Variants in TEX52 observed in about 807,000 individuals in gnomAD.
TEX52 encodes testis expressed 52, also known as testis-expressed protein 52.
TEX52 carries 22 observed loss-of-function variants against 17.6 expected under a neutral mutation model. The observed-to-expected ratio is 1.25, with a 90% CI of 0.89 to 1.78. The LOEUF (loss-of-function observed/expected upper bound fraction) is 1.78. Among genes scored for constraint, TEX52 ranks in the 40% most tolerant of loss-of-function variants. TEX52 has a pLI of 0.00. For synonymous variants in TEX52, 168 were observed against 147.4 expected (o/e 1.14, Z -1.01); for missense variants, 396 against 372.3 (o/e 1.06, Z -0.52).
At chr12:2,851,246 T>G (rs1448405722) in intron 2 of TEX52, among the ~76,000 whole-genome samples, 1 of 151,660 alleles carries the variant, frequency 6.6e-6, no homozygotes, top group Non-Finnish European at 1.5e-5. Context: ...TCTGGGTGAG[T>G]GAGTGAGTGG....
At position 2,855,156 on chromosome 12, in the gene TEX52, C is replaced by T. The variant is rs549403074; in HGVS notation, c.363G>A (p.Trp121Ter). 1,888 of 1,525,552 alleles carry T rather than the reference C, an allele frequency of 1.2e-3. 5 individuals carry two copies. The highest frequency in any genetic ancestry group is 1.4e-3 in the Non-Finnish European group (1,564 of 1,140,390). 94.5% of individuals were successfully genotyped at this position (1,525,552 alleles called of 1,614,324 possible). A position where few individuals can be genotyped will look rare whatever the true frequency, so the allele number is the denominator to read the frequency against. The change falls in exon 2 of 3, where the codon TGG becomes TGA. Residue 121 changes from tryptophan to a stop codon, truncating the protein, a stop_gained. Transcript: ENST00000637658. LOFTEE classifies it high-confidence loss of function. ...QPDRPYDSNV[W>*]RWLTDSNAHR... ...GGGCATTGGAGTCGGTCAGCCAGCG[C>T]CAGACATTGCTATCGTAGGGCCTGT...
At chr12:2,856,576 T>G (rs2098088077) in intron 1 of TEX52, among the ~76,000 whole-genome samples, 1 of 152,208 alleles carries the variant, frequency 6.6e-6, no homozygotes, top group Non-Finnish European at 1.5e-5. Context: ...TTGGCCAAGC[T>G]GGTCTCAAAC....
chr12:2,851,292 A>G (rs900845092), intron 2 of TEX52, among the ~76,000 whole-genome samples: 1 of 152,140 alleles, frequency 6.6e-6, no homozygotes, highest in Non-Finnish European at 1.5e-5. Flanking sequence ...CTAGGACATT[A>G]CTGTACACTA....
At chr12:2,856,147 C>T (rs1357134015) in intron 1 of TEX52, among the ~76,000 whole-genome samples, 1 of 152,154 alleles carries the variant, frequency 6.6e-6, no homozygotes, top group East Asian at 1.9e-4. Flanking sequence ...GTATTGCTAT[C>T]GTCCCCATCT....
intron 1 of TEX52, 90 bp downstream of exon 1, chr12:2,856,865 G>A: frequency 1.4e-6 from 1 of 694,118 alleles, no homozygotes; most frequent in Non-Finnish European, 2.6e-6. Flanking sequence ...GCAGTCTGCT[G>A]CCCAGAAGAA....
chr12:2,854,065 GC>G (rs1483632078), intron 2 of TEX52, among the ~76,000 whole-genome samples: 1 of 152,054 alleles, frequency 6.6e-6, no homozygotes, highest in Non-Finnish European at 1.5e-5. Context: ...CTCTCTTGTT[GC>G]CCCGGCTGGA....
rs1244617968 is a variant in TEX52, at chr12:2,855,148, A to AGCC, written c.368_370dup (p.Trp123_Leu124insArg). The stretch of plus-strand genomic sequence containing the variant: ...GCATCTGTGGGCATTGGAGTCGGTC[A>AGCC]GCCAGCGCCAGACATTGCTATCGTA... On this transcript the variant is annotated inframe_insertion, in exon 2 of 3. Transcript: ENST00000637658. The AGCC allele has an allele frequency of 6.5e-7, 1 of 1,528,652 alleles. No individual in the cohort carries two copies. Among genetic ancestry groups the AGCC allele is most frequent in the African/African-American group, 1.4e-5 (1 of 72,796 alleles). The allele number at this position is 1,528,652 out of a possible 1,614,324, so 94.7% of individuals were successfully genotyped here.
chr12:2,850,978 C>CTTTTTTTTTTTTTTTT (rs35125854), intron 2 of TEX52, among the ~76,000 whole-genome samples: 1 of 81,666 alleles, frequency 1.2e-5, no homozygotes. Context: ...GGCCCAGAGT[C>CTTTTTTTTTTTTTTTT]TTTTTTTTTT....
At chr12:2,854,770 A>G in intron 2 of TEX52, 126 bp downstream of exon 2, 1 of 961,034 alleles carries the variant, frequency 1.0e-6, no homozygotes, top group Non-Finnish European at 1.5e-6. Flanking sequence ...CTCAGAAAAG[A>G]GTTTGGTTTT....
rs774337582 is a variant in TEX52, at chr12:2,854,891, C to T, written c.623+5G>A. The T allele has an allele frequency of 2.2e-5, 34 of 1,532,010 alleles. No homozygotes were observed. Among genetic ancestry groups the T allele is most frequent in the Non-Finnish European group, 3.0e-5 (34 of 1,144,354 alleles). The allele number at this position is 1,532,010 out of a possible 1,614,324, so 94.9% of individuals were successfully genotyped here. On this transcript the variant is annotated splice_donor_5th_base_variant and intron_variant, in intron 2 of 2. Transcript: ENST00000637658. ...GGTGGGCTCCCTGAGGAGGCACCGT[C>T]TTACTTCTTGAAGCTCGCTGGCGGC... is the stretch of plus-strand genomic sequence containing the variant.
chr12:2,848,914 C>A, downstream of TEX52: 1 of 380,000 alleles, frequency 2.6e-6, no homozygotes, highest in South Asian at 3.0e-5. Context: ...CACACACACT[C>A]CTTCCTTCCC....
In TEX52 at chr12:2,855,403, G is replaced by A. The variant is rs901004560; in HGVS notation, c.116C>T (p.Ala39Val). ...SESLPPSQTW[A>V]QREFFLPSES... ...GCTGGGGAGGAAGAACTCACGCTGAGCCCACGTTTGGGAGGGTGGGAGGGA... is the reference window on the plus strand; with the variant it reads ...GCTGGGGAGGAAGAACTCACGCTGAACCCACGTTTGGGAGGGTGGGAGGGA... The change falls in exon 2 of 3, where the codon GCT (alanine) becomes GTT (valine). Residue 39 changes from alanine to valine, a missense_variant. Coordinates refer to ENST00000637658, the MANE Select transcript of TEX52 (RefSeq NM_001365174.2). 8 of 409,070 alleles carry A rather than the reference G, an allele frequency of 2.0e-5. No individual in the cohort carries two copies. Among genetic ancestry groups the A allele is most frequent in the Non-Finnish European group, 3.9e-5 (8 of 205,196 alleles). 25.3% of individuals were successfully genotyped at this position (409,070 alleles called of 1,614,324 possible).
chr12:2,848,427 T>C (rs539608113), downstream of TEX52, among the ~76,000 whole-genome samples: 3 of 152,318 alleles, frequency 2.0e-5, no homozygotes, highest in South Asian at 6.2e-4. Flanking sequence ...GACTCCCTGA[T>C]AGAAAAAGCT....
chr12:2,850,289 C>G (rs1418924133), intron 2 of TEX52, among the ~76,000 whole-genome samples: 2 of 152,018 alleles, frequency 1.3e-5, no homozygotes, highest in Non-Finnish European at 2.9e-5. Flanking sequence ...GCCTGGCCGA[C>G]ATGATGAAAC....
Position 2,855,347 on chromosome 12 carries a change from G to C in TEX52, c.172C>G (p.Gln58Glu), listed in dbSNP as rs970237844. 1.3e-6 allele frequency: 2 copies of C among 1,531,692 alleles called. No homozygotes were observed. The highest frequency in any genetic ancestry group is 1.4e-5 in the African/African-American group (1 of 72,916). The allele number at this position is 1,531,692 out of a possible 1,614,324, so 94.9% of individuals were successfully genotyped here. A position where few individuals can be genotyped will look rare whatever the true frequency, so the allele number is the denominator to read the frequency against. ...TTCAGAGCCAGCTGGTGGTAGGCTTGCCGGGTGAAGCCAGGGAACTCCCAG... is the reference window on the plus strand; with the variant it reads ...TTCAGAGCCAGCTGGTGGTAGGCTTCCCGGGTGAAGCCAGGGAACTCCCAG... ...ESWEFPGFTRQAYHQLALKLP... is the reference protein window; with the variant it reads ...ESWEFPGFTREAYHQLALKLP... Residue 58 changes from glutamine to glutamate, a missense_variant, in exon 2 of 3, where the codon CAA (glutamine) becomes GAA (glutamate). Physicochemically the swap from Gln to Glu is conservative, Grantham distance 29. Transcript: ENST00000637658.
chr12:2,849,447 G>A lies in TEX52; in HGVS notation c.702C>T (p.Phe234=), dbSNP rs950732923. 5.9e-6 allele frequency: 9 copies of A among 1,536,184 alleles called. No homozygotes were observed. The highest frequency in any genetic ancestry group is 4.9e-5 in the East Asian group (2 of 40,916). Residue 234 remains phenylalanine (F), a synonymous_variant, in exon 3 of 3, where the codon TTC becomes TTT. Transcript: ENST00000637658. ...GGTTTGGGCAGGGCCAGCTCCTGGC[G>A]AAATTATTGGGAAACGGGTTGGGCA... ...QLMPNPFPNN[F]ARSWPCPNPL... is the part of the protein sequence containing the mutation.
At chr12:2,854,813 G>A (rs537808760) in intron 2 of TEX52, 83 bp downstream of exon 2, 99 of 1,374,252 alleles carry the variant, frequency 7.2e-5, no homozygotes, top group African/African-American at 5.2e-4. Context: ...ACAGAGTCCC[G>A]GTTAGAAACA....
At position 2,849,220 on chromosome 12, in the gene TEX52, T is replaced by G; in HGVS notation, c.*11A>C. On this transcript the variant is annotated 3_prime_UTR_variant, in exon 3 of 3. Coordinates refer to ENST00000637658, the MANE Select transcript of TEX52 (RefSeq NM_001365174.2). ...CTCTGGGTATCACGATCGTCCCCTC[T>G]GGAAGCCCTTCTAGAAGTGTCCAGG... The G allele has an allele frequency of 6.5e-7, 1 of 1,532,064 alleles. No individual in the cohort carries two copies. Among genetic ancestry groups the G allele is most frequent in the South Asian group, 1.2e-5 (1 of 83,332 alleles). 94.9% of individuals were successfully genotyped at this position (1,532,064 alleles called of 1,614,324 possible). A position where few individuals can be genotyped will look rare whatever the true frequency, so the allele number is the denominator to read the frequency against.
rs992982181 is a variant in TEX52 at position 2,855,122 on chromosome 12, G to T, written c.397C>A (p.Pro133Thr). 3 of 1,533,020 alleles carry T rather than the reference G, an allele frequency of 2.0e-6. No individual in the cohort carries two copies. Among genetic ancestry groups the T allele is most frequent in the South Asian group, 1.2e-5 (1 of 83,852 alleles). 95.0% of individuals were successfully genotyped at this position (1,533,020 alleles called of 1,614,324 possible). ...GGGGGGATGGGGTGCTCCGTGGGGG[G>T]GCATCTGTGGGCATTGGAGTCGGTC... ...WLTDSNAHRC[P>T]PTEHPIPPPS... The change falls in exon 2 of 3, where the codon CCC (proline) becomes ACC (threonine). Residue 133 changes from proline (P) to threonine (T), a missense_variant. Transcript: ENST00000637658.
Sources: gnomAD v4.1 joint callset for allele counts (sites outside exome capture counted in the v4.1 genomes callset) on GRCh38, gnomAD v4.1.1 for gene constraint, MANE v1.5 for transcripts, NCBI Gene and HGNC (gene_info 2026-07-23, HGNC 2026-07-21) for gene names.